Variants in GTF2IRD1 observed in about 807,000 individuals in gnomAD.
The protein encoded by GTF2IRD1 is GTF2I repeat domain containing 1, also known as general transcription factor II-I repeat domain-containing protein 1.
In GTF2IRD1, 26 loss-of-function variants were observed where a neutral mutation model predicts 113.2. That is an observed-to-expected ratio of 0.23 (90% CI 0.17 to 0.32). The LOEUF (loss-of-function observed/expected upper bound fraction) is 0.32. Ranked by LOEUF, GTF2IRD1 falls within the 10% of genes least tolerant of loss-of-function variation. The pLI, the probability that GTF2IRD1 is intolerant of heterozygous loss-of-function variation, is 1.00. For missense variants in GTF2IRD1, 864 were observed against 1,280.8 expected, an observed-to-expected ratio of 0.67 and a Z score of 4.97; for synonymous variants, 484 against 529.1, an observed-to-expected ratio of 0.91 and a Z score of 1.17.
At chr7:74,458,799 T>C (rs931193063) in intron 1 of GTF2IRD1, among the ~76,000 whole-genome samples, 47 of 151,954 alleles carry the variant, frequency 3.1e-4, no homozygotes, top group African/African-American at 1.1e-3. Context: ...GGATTACAGA[T>C]GTACACCACC....
intron 3 of GTF2IRD1, among the ~76,000 whole-genome samples, chr7:74,514,806 C>T (rs782762443): frequency 4.6e-5 from 7 of 151,872 alleles, no homozygotes; most frequent in African/African-American, 7.3e-5. Flanking sequence ...TGGATGGGGC[C>T]GGGCATGGTA....
chr7:74,595,125 C>A, intron 25 of GTF2IRD1, 74 bp downstream of exon 25: 1 of 1,124,664 alleles, frequency 8.9e-7, no homozygotes. Flanking sequence ...AAAAGGTAGA[C>A]CCGGGCGCAG....
At chr7:74,589,164 G>C (rs1801903341) in intron 22 of GTF2IRD1, among the ~76,000 whole-genome samples, 1 of 152,108 alleles carries the variant, frequency 6.6e-6, no homozygotes, top group South Asian at 2.1e-4. Context: ...GATCACTTCA[G>C]CCTGGGAAAC....
At position 74,572,621 on chromosome 7, in the gene GTF2IRD1, G is replaced by A. The variant is rs187006727; in HGVS notation, c.2320+12966G>A. ...AAGACTTGAGAGTCATTTCCTTGTC[G>A]CCAATCACACACAGGCACACACCCT... On this transcript the variant is annotated intron_variant, in intron 22 of 26. Coordinates refer to ENST00000424337, the MANE Select transcript of GTF2IRD1 (RefSeq NM_005685.4). The A allele has an allele frequency of 1.5e-5, 14 of 921,270 alleles. No individual in the cohort carries two copies. The Admixed American group carries it at 2.5e-4, about 16-fold the overall frequency. The allele number at this position is 921,270 out of a possible 1,614,324, so 57.1% of individuals were successfully genotyped here.
intron 1 of GTF2IRD1, among the ~76,000 whole-genome samples, chr7:74,462,826 T>C (rs1302344258): frequency 6.6e-6 from 1 of 152,184 alleles, no homozygotes. Context: ...AGCCCCGCGA[T>C]GAAATTACAC....
intron 22 of GTF2IRD1, among the ~76,000 whole-genome samples, chr7:74,583,154 A>G (rs1320361724): frequency 1.3e-5 from 2 of 152,084 alleles, no homozygotes; most frequent in African/African-American, 4.8e-5. Context: ...GTCTGCACGT[A>G]GTATGTGCCA....
intron 1 of GTF2IRD1, among the ~76,000 whole-genome samples, chr7:74,489,903 G>C (rs1795236670): frequency 3.3e-5 from 5 of 152,176 alleles, no homozygotes; most frequent in Admixed American, 2.6e-4. Flanking sequence ...GATTCTGTTA[G>C]CAGGGAGTGG....
At chr7:74,520,888 A>ATT (rs1554345777) in intron 6 of GTF2IRD1, among the ~76,000 whole-genome samples, 3 of 123,600 alleles carry the variant, frequency 2.4e-5, no homozygotes, top group East Asian at 2.7e-4. Flanking sequence ...TTATTATTAT[A>ATT]AGGGGGAAAA....
At chr7:74,573,432 TAGAC>T (rs1266527792) in intron 22 of GTF2IRD1, among the ~76,000 whole-genome samples, 3 of 148,826 alleles carry the variant, frequency 2.0e-5, no homozygotes, top group Admixed American at 6.7e-5. Flanking sequence ...AAATTTAAAA[TAGAC>T]AGGGGCTTTC....
intron 9 of GTF2IRD1, among the ~76,000 whole-genome samples, chr7:74,531,364 A>T (rs1797955844): frequency 6.6e-6 from 1 of 152,162 alleles, no homozygotes; most frequent in South Asian, 2.1e-4. Flanking sequence ...GCGAGAATCC[A>T]TCTCTAAATA....
intron 19 of GTF2IRD1, 109 bp from the exon 20 acceptor site, chr7:74,557,530 T>C: frequency 1.4e-6 from 1 of 695,056 alleles, no homozygotes; most frequent in Non-Finnish European, 2.5e-6. Flanking sequence ...AAAGATCCTT[T>C]AATTGCCGGA....
chr7:74,484,070 G>C (rs551985348), intron 1 of GTF2IRD1, among the ~76,000 whole-genome samples: 5 of 152,282 alleles, frequency 3.3e-5, no homozygotes, highest in African/African-American at 1.2e-4. Context: ...CCCAGAGATG[G>C]AGACTCAGTG....
chr7:74,553,670 A>AGGCC (rs2130736655), intron 17 of GTF2IRD1, among the ~76,000 whole-genome samples: 1 of 152,222 alleles, frequency 6.6e-6, no homozygotes, highest in Admixed American at 6.5e-5. Flanking sequence ...CCGACGGGAG[A>AGGCC]GGCCGTCTGG....
intron 22 of GTF2IRD1, among the ~76,000 whole-genome samples, chr7:74,565,566 G>A (rs1262710937): frequency 6.6e-6 from 1 of 152,100 alleles, no homozygotes; most frequent in African/African-American, 2.4e-5. Context: ...AGCTAACGGG[G>A]GCTGTTCAGG....
At chr7:74,480,664 G>A (rs1794686147) in intron 1 of GTF2IRD1, among the ~76,000 whole-genome samples, 1 of 152,134 alleles carries the variant, frequency 6.6e-6, no homozygotes, top group Non-Finnish European at 1.5e-5. Flanking sequence ...CCTGAACCGC[G>A]GAGCCGTCTG....
intron 1 of GTF2IRD1, among the ~76,000 whole-genome samples, chr7:74,481,364 C>T (rs1434627684): frequency 6.6e-6 from 1 of 151,868 alleles, no homozygotes; most frequent in Admixed American, 6.6e-5. Flanking sequence ...GCGATGTTGC[C>T]CAGGCTGGTC....
chr7:74,587,103 G>A (rs1377583324), intron 22 of GTF2IRD1, among the ~76,000 whole-genome samples: 1 of 151,996 alleles, frequency 6.6e-6, no homozygotes, highest in African/African-American at 2.4e-5. Context: ...AGCTATGATG[G>A]CACCACTGTA....
Position 74,536,089 on chromosome 7 carries a change from A to C in GTF2IRD1, c.1301-78A>C. On this transcript the variant is annotated intron_variant, in intron 10 of 26. Coordinates refer to ENST00000424337, the MANE Select transcript of GTF2IRD1 (RefSeq NM_005685.4). ...CCCCGGGATTCCCCCAGCTTCACAC[A>C]CAGACCTTTACCCAGGGGCTCTGCA... The C allele has an allele frequency of 2.2e-6, 2 of 920,252 alleles. 1 individual carries two copies. Among genetic ancestry groups the C allele is most frequent in the South Asian group, 2.7e-5 (2 of 73,228 alleles). 57.0% of individuals were successfully genotyped at this position (920,252 alleles called of 1,614,324 possible).
intron 2 of GTF2IRD1, among the ~76,000 whole-genome samples, chr7:74,511,824 G>C (rs1796652261): frequency 2.0e-5 from 3 of 152,232 alleles, no homozygotes; most frequent in Admixed American, 2.0e-4. Flanking sequence ...GGTTTTCCTG[G>C]TGGGGTAGGT....
Sources: allele counts gnomAD v4.1 joint callset (sites outside exome capture counted in the v4.1 genomes callset), GRCh38; gene constraint gnomAD v4.1.1; transcripts MANE v1.5; gene names NCBI Gene and HGNC (gene_info 2026-07-23, HGNC 2026-07-21).